Variants in UQCRC1 observed in about 807,000 individuals in gnomAD.
UQCRC1 encodes ubiquinol-cytochrome c reductase core protein 1.
UQCRC1 carries 34 observed loss-of-function variants against 58.0 expected under a neutral mutation model. The ratio of observed to expected loss-of-function variants is 0.59; its 90% CI spans 0.45 to 0.78. The LOEUF (loss-of-function observed/expected upper bound fraction) is 0.78, where lower values mean the gene tolerates loss of function less well. Among genes scored for constraint, UQCRC1 ranks in the 30% least tolerant of loss-of-function variants. The pLI is 0.00. For synonymous variants in UQCRC1, 276 were observed against 248.8 expected, an observed-to-expected ratio of 1.11 and a Z score of -1.03; for missense variants, 610 against 646.0, an observed-to-expected ratio of 0.94 and a Z score of 0.60.
rs1375105704 is a variant in UQCRC1, at chr3:48,609,588, G to C, written c.33C>G (p.Thr11=). Residue 11 remains threonine, a synonymous_variant, in exon 1 of 13, where the codon ACC becomes ACG. Coordinates refer to ENST00000203407, the MANE Select transcript of UQCRC1 (RefSeq NM_003365.3). The stretch of plus-strand genomic sequence containing the variant: ...CGCGCAATAGCACTTGTGCCCCGGC[G>C]GTAGCGGCCCGACAGACCACGGACG... MAASVVCRAA[T]AGAQVLLRAR... is the part of the protein sequence containing the mutation. 2 of 1,571,850 alleles carry C rather than the reference G, an allele frequency of 1.3e-6. No homozygotes were observed. The highest frequency in any genetic ancestry group is 1.7e-6 in the Non-Finnish European group (2 of 1,163,462).
At position 48,599,212 on chromosome 3, in the gene UQCRC1, C is replaced by T. The variant is rs766110258; in HGVS notation, c.1379-20G>A. 2.4e-5 allele frequency: 38 copies of T among 1,583,486 alleles called. No individual in the cohort carries two copies. The highest frequency in any genetic ancestry group is 3.0e-5 in the Non-Finnish European group (35 of 1,161,070). On this transcript the variant is annotated intron_variant, in intron 12 of 12. Transcript: ENST00000203407. ...TGGGGCCTGTGGGGATAGGGTGGAGCGTCAGGGTGGGGTACCTGGCCTGCA... is the reference window on the plus strand; with the variant it reads ...TGGGGCCTGTGGGGATAGGGTGGAGTGTCAGGGTGGGGTACCTGGCCTGCA...
intron 5 of UQCRC1, 28 bp from the exon 6 acceptor site, chr3:48,603,671 C>T (rs752346245): frequency 6.2e-7 from 1 of 1,601,812 alleles, no homozygotes; most frequent in Non-Finnish European, 8.5e-7. Flanking sequence ...AGTGTGTCAA[C>T]ACCTCTACCA....
In UQCRC1 at chr3:48,601,063, C is replaced by T; in HGVS notation, c.878G>A (p.Gly293Asp). 6.2e-7 allele frequency: 1 copy of T among 1,610,014 alleles called. No homozygotes were observed. Among genetic ancestry groups the T allele is most frequent in the Non-Finnish European group, 8.5e-7 (1 of 1,176,646 alleles). ...PFAHVAIAVE[G>D]PGWASPDNVA... is the part of the protein sequence containing the mutation. ...ATTGTCCGGGCTGGCCCAGCCAGGA[C>T]CCTCTACTGCAATGGCCACGTGGGC... The change falls in exon 8 of 13, where the codon GGT becomes GAT. Residue 293 changes from glycine to aspartate, a missense_variant. By Grantham distance (94) the Gly-to-Asp change is moderately conservative. Transcript: ENST00000203407.
In UQCRC1 at chr3:48,604,281, T is replaced by G; in HGVS notation, c.578A>C (p.Gln193Pro). 6.2e-7 allele frequency: 1 copy of G among 1,613,498 alleles called. No individual in the cohort carries two copies. The change falls in exon 5 of 13, where the codon CAG becomes CCG. Residue 193 changes from glutamine to proline, a missense_variant. Physicochemically the swap from Gln to Pro is moderately conservative, Grantham distance 76. Transcript: ENST00000203407. ...VFNYLHATAF[Q>P]GTPLAQAVEG... ...CACAGCCTGGGCTAGAGGTGTGCCC[T>G]GGAATGCTGTGGCATGCAGGTAGTT...
In UQCRC1 at chr3:48,600,581, GT is replaced by G. The variant is rs759066665; in HGVS notation, c.1128-15del. ...CACAGGCGCATCCTAAAGTGGGGGG[GT>G]GGGTGGTATTCATTCTGAGCCAGTG... On this transcript the variant is annotated splice_polypyrimidine_tract_variant and intron_variant, in intron 9 of 12. Coordinates refer to ENST00000203407, the MANE Select transcript of UQCRC1 (RefSeq NM_003365.3). 1.2e-6 allele frequency: 2 copies of G among 1,614,030 alleles called. No individual in the cohort carries two copies. Among genetic ancestry groups the G allele is most frequent in the South Asian group, 2.2e-5 (2 of 91,028 alleles).
chr3:48,607,856 G>A (rs1410602449), intron 2 of UQCRC1, among the ~76,000 whole-genome samples: 2 of 150,236 alleles, frequency 1.3e-5, no homozygotes, highest in Non-Finnish European at 2.9e-5. Context: ...ATGGACTCTC[G>A]CTCTCTCACC....
At chr3:48,600,877 GTCTTC>G in intron 8 of UQCRC1, 37 bp from the exon 9 acceptor site, 4 of 1,613,148 alleles carry the variant, frequency 2.5e-6, no homozygotes. Context: ...CCACCCTCTT[GTCTTC>G]AACGCACACT....
At chr3:48,600,262 A>C in intron 10 of UQCRC1, 111 bp from the exon 11 acceptor site, 1 of 1,243,928 alleles carries the variant, frequency 8.0e-7, no homozygotes, top group East Asian at 2.4e-5. Flanking sequence ...CCTCATGCTG[A>C]CTCAGATCAC....
intron 5 of UQCRC1, 56 bp downstream of exon 5, chr3:48,604,177 G>A: frequency 6.3e-7 from 1 of 1,582,038 alleles, no homozygotes; most frequent in East Asian, 2.2e-5. Context: ...CCTGGAAAGG[G>A]TCTGGCCAGG....
At chr3:48,603,875 G>A (rs2046388191) in intron 5 of UQCRC1, 1 of 591,502 alleles carries the variant, frequency 1.7e-6, no homozygotes, top group Non-Finnish European at 3.0e-6. Context: ...CAGGCTCATA[G>A]TCTTCTCTGA....
At chr3:48,601,176 G>A in intron 7 of UQCRC1, 58 bp from the exon 8 acceptor site, 1 of 1,564,744 alleles carries the variant, frequency 6.4e-7, no homozygotes, top group South Asian at 1.2e-5. Flanking sequence ...AACAGAAAAG[G>A]TGGCAGGTGT....
chr3:48,600,422 C>T, intron 10 of UQCRC1, 60 bp downstream of exon 10: 2 of 1,600,876 alleles, frequency 1.2e-6, no homozygotes, highest in South Asian at 1.1e-5. Flanking sequence ...GCAGTGGCCA[C>T]CTTGGTGCTG....
rs1445353590 is a variant in UQCRC1 at position 48,599,060 on chromosome 3, G to A, written c.*68C>T. 7 of 1,575,628 alleles carry A rather than the reference G, an allele frequency of 4.4e-6. No homozygotes were observed. In the East Asian group the frequency reaches 6.8e-5, roughly 15 times the overall value. The stretch of plus-strand genomic sequence containing the variant: ...TGGCACAGGTTAGAGGAGCCGAAGT[G>A]CTGTGTTTGTGGTGGGGGGGGGACC... On this transcript the variant is annotated 3_prime_UTR_variant, in exon 13 of 13. Coordinates refer to ENST00000203407, the MANE Select transcript of UQCRC1 (RefSeq NM_003365.3).
rs775255189 is a variant in UQCRC1 at position 48,599,682 on chromosome 3, A to G, written c.1331T>C (p.Ile444Thr). 7.4e-6 allele frequency: 12 copies of G among 1,613,870 alleles called. No individual in the cohort carries two copies. The highest frequency in any genetic ancestry group is 7.6e-6 in the Non-Finnish European group (9 of 1,179,976). The change falls in exon 12 of 13, where the codon ATC becomes ACC. Residue 444 changes from isoleucine (I) to threonine (T), a missense_variant. By Grantham distance (89) the Ile-to-Thr change is moderately conservative (BLOSUM62 -1). Transcript: ENST00000203407. ...CTGGTCATAGATGTACTTGGAGCAG[A>G]TCTCACGTACCACACTGGCATCCAC... The part of the protein sequence containing the change: ...AEVDASVVRE[I>T]CSKYIYDQCP...
At chr3:48,608,566 AG>A (rs1357263291) in intron 2 of UQCRC1, among the ~76,000 whole-genome samples, 1 of 152,246 alleles carries the variant, frequency 6.6e-6, no homozygotes, top group African/African-American at 2.4e-5. Flanking sequence ...GAAAACTAAA[AG>A]GATGTGTCAA....
At chr3:48,606,866 CT>C (rs549239973) in intron 2 of UQCRC1, among the ~76,000 whole-genome samples, 528 of 145,398 alleles carry the variant, frequency 3.6e-3, no homozygotes, top group Middle Eastern at 7.1e-3. Context: ...TTCCTAAGTA[CT>C]TTTTTTTTTT....
Position 48,609,491 on chromosome 3 carries a change from C to T in UQCRC1, c.69+61G>A, listed in dbSNP as rs750904556. ...ACCTCGACCTGCCACTGCTAACAGC[C>T]CACACCTGTCCGCTTCCCGAAGCCC... On this transcript the variant is annotated intron_variant, in intron 1 of 12. Transcript: ENST00000203407. 3.1e-5 allele frequency: 48 copies of T among 1,537,564 alleles called. No individual in the cohort carries two copies. The Middle Eastern group carries it at 6.7e-4, about 21-fold the overall frequency.
chr3:48,605,951 G>T (rs1315990961), intron 2 of UQCRC1, 95 bp from the exon 3 acceptor site: 1 of 1,227,530 alleles, frequency 8.1e-7, no homozygotes, highest in South Asian at 1.5e-5. Context: ...GCCCCAGGCA[G>T]GGACTTATGA....
intron 6 of UQCRC1, among the ~76,000 whole-genome samples, chr3:48,602,982 T>C (rs1412666314): frequency 1.3e-5 from 2 of 152,186 alleles, no homozygotes; most frequent in Non-Finnish European, 2.9e-5. Flanking sequence ...CTACCTGCAC[T>C]GTGACCCCAC....
Sources: gnomAD v4.1 joint callset for allele counts (sites outside exome capture counted in the v4.1 genomes callset) on GRCh38, gnomAD v4.1.1 for gene constraint, MANE v1.5 for transcripts, NCBI Gene and HGNC (gene_info 2026-07-23, HGNC 2026-07-21) for gene names.